The following COLEC10 variants were observed in gnomAD, a reference collection of about 807,000 sequenced individuals.
COLEC10 encodes collectin subfamily member 10.
Under a neutral mutation model 28.4 loss-of-function variants are expected in COLEC10, and 22 were observed. The observed-to-expected ratio is 0.78, with a 90% CI of 0.55 to 1.11. The LOEUF is 1.11. Among genes scored for constraint, COLEC10 ranks in the 50% least tolerant of loss-of-function variants. The pLI is 0.00. For synonymous variants in COLEC10, 125 were observed against 116.1 expected (o/e 1.08, Z -0.49); for missense variants, 361 against 344.1 (o/e 1.05, Z -0.39).
chr8:119,026,045 C>G (rs535618798), intron 2 of COLEC10, among the ~76,000 whole-genome samples: 55 of 152,148 alleles, frequency 3.6e-4, no homozygotes, highest in Non-Finnish European at 4.7e-4. Context: ...GTTTCTGTTT[C>G]TTGAAACTTT....
At chr8:119,026,119 AT>A (rs1814185673) in intron 2 of COLEC10, among the ~76,000 whole-genome samples, 1 of 152,130 alleles carries the variant, frequency 6.6e-6, no homozygotes, top group African/African-American at 2.4e-5. Flanking sequence ...TTTTAAGTAC[AT>A]TTTTATTGAA....
chr8:119,014,252 C>A (rs1813949807), intron 2 of COLEC10, among the ~76,000 whole-genome samples: 1 of 150,376 alleles, frequency 6.6e-6, no homozygotes, highest in Admixed American at 6.6e-5. Flanking sequence ...TGCAAGGTTG[C>A]TCTACCGGCA....
chr8:119,036,023 G>A (rs1012019149), intron 2 of COLEC10, among the ~76,000 whole-genome samples: 1 of 151,912 alleles, frequency 6.6e-6, no homozygotes, highest in Non-Finnish European at 1.5e-5. Flanking sequence ...AGCAAAATAG[G>A]GGTATAAGAT....
At chr8:119,035,274 A>T (rs1342774894) in intron 2 of COLEC10, among the ~76,000 whole-genome samples, 1 of 149,050 alleles carries the variant, frequency 6.7e-6, no homozygotes, top group East Asian at 2.0e-4. Flanking sequence ...TCTTTTATGT[A>T]CTTTCAGGAA....
At chr8:118,994,658 G>T (rs957139033), upstream of COLEC10, among the ~76,000 whole-genome samples, 3 of 152,124 alleles carry the variant, frequency 2.0e-5, no homozygotes, top group Non-Finnish European at 4.4e-5. Flanking sequence ...TGTCTCTGGA[G>T]TCCTTACTTG....
intron 2 of COLEC10, among the ~76,000 whole-genome samples, chr8:119,017,743 T>C (rs1456970246): frequency 6.6e-6 from 1 of 152,192 alleles, no homozygotes; most frequent in African/African-American, 2.4e-5. Context: ...CTCTTAATCT[T>C]GAAGTCACAA....
chr8:119,095,189 A>G (rs951538389), intron 3 of COLEC10, among the ~76,000 whole-genome samples: 2 of 152,232 alleles, frequency 1.3e-5, no homozygotes, highest in African/African-American at 4.8e-5. Context: ...CAATTTAAAA[A>G]GAGACCATTT....
chr8:119,091,091 C>T lies in COLEC10; in HGVS notation c.221-58C>T, dbSNP rs1021510388. On this transcript the variant is annotated intron_variant, in intron 2 of 5. Transcript: ENST00000332843. Reference sequence around the variant, plus strand: ...TTCTTTCAAGTGAATATCACATTAGCCACATTTCAAGGGAAGATAAAACCT... The same window carrying T: ...TTCTTTCAAGTGAATATCACATTAGTCACATTTCAAGGGAAGATAAAACCT... 1.1e-5 allele frequency: 15 copies of T among 1,348,038 alleles called. No individual in the cohort carries two copies. In the African/African-American group the frequency reaches 2.2e-4, roughly 19 times the overall value. The allele number at this position is 1,348,038 out of a possible 1,614,324, so 83.5% of individuals were successfully genotyped here.
At chr8:119,063,412 G>C (rs980224890), upstream of COLEC10, among the ~76,000 whole-genome samples, 1 of 152,186 alleles carries the variant, frequency 6.6e-6, no homozygotes. Flanking sequence ...AGGCTGTAGG[G>C]GAGAAGCACT....
Position 119,067,408 on chromosome 8 carries a change from A to G in COLEC10, c.127A>G (p.Thr43Ala), listed in dbSNP as rs1183679293. 1.9e-6 allele frequency: 3 copies of G among 1,613,816 alleles called. No individual in the cohort carries two copies. The highest frequency in any genetic ancestry group is 1.1e-5 in the South Asian group (1 of 91,044). ...RPTAEVCATH[T>A]ISPGPKGDDG... ...TACCGCTGAAGTCTGTGCCACACACACAATTTCACCAGGACCCAAAGGTGA... is the reference window on the plus strand; with the variant it reads ...TACCGCTGAAGTCTGTGCCACACACGCAATTTCACCAGGACCCAAAGGTGA... Residue 43 changes from threonine (T) to alanine (A), a missense_variant, in exon 1 of 6, where the codon ACA (threonine) becomes GCA (alanine). Around this residue, in one of 3 missense-constraint regions of COLEC10, gnomAD observed 335 missense variants for 308.5 expected, o/e 1.09. Coordinates refer to ENST00000332843, the MANE Select transcript of COLEC10 (RefSeq NM_006438.5).
rs1198706792 is a variant in COLEC10, at chr8:119,014,196, C to T, written n.235+4643C>T. ...CCTTTATGTAGAATTAAGTTTCTGACCTACTTCATTTACCTTTTCTTTAAA... is the reference window on the plus strand; with the variant it reads ...CCTTTATGTAGAATTAAGTTTCTGATCTACTTCATTTACCTTTTCTTTAAA... On this transcript the variant is annotated intron_variant and non_coding_transcript_variant, in intron 2 of 6. Coordinates refer to the COLEC10 transcript ENST00000521788. Among the ~76,000 whole-genome samples the T allele has an allele frequency of 7.3e-5, 11 of 150,582 alleles. No individual in the cohort carries two copies. In the South Asian group the frequency reaches 2.3e-3, roughly 31 times the overall value.
At chr8:118,989,379 C>T in the COLEC10 span, among the ~76,000 whole-genome samples, 3 of 151,918 alleles carry the variant, frequency 2.0e-5, no homozygotes, top group South Asian at 2.1e-4. Flanking sequence ...AGGTGTAATG[C>T]CTATAGTTGG....
the COLEC10 span, among the ~76,000 whole-genome samples, chr8:118,962,441 C>T: frequency 2.6e-5 from 4 of 152,166 alleles, no homozygotes; most frequent in African/African-American, 9.7e-5. Flanking sequence ...TTTTTTACAG[C>T]TTTATTGAGG....
At chr8:118,952,661 C>A in the COLEC10 span, among the ~76,000 whole-genome samples, 2 of 152,290 alleles carry the variant, frequency 1.3e-5, no homozygotes, top group African/African-American at 4.8e-5. Context: ...GCAGGGATAA[C>A]CTTGCGGAGC....
intron 1 of COLEC10, among the ~76,000 whole-genome samples, chr8:119,008,748 G>T (rs1813851997): frequency 6.6e-6 from 1 of 150,868 alleles, no homozygotes; most frequent in Non-Finnish European, 1.5e-5. Flanking sequence ...TACTAGGTTG[G>T]TTGGTGCAAA....
At chr8:119,004,469 T>C (rs1240660781) in intron 1 of COLEC10, among the ~76,000 whole-genome samples, 1 of 151,726 alleles carries the variant, frequency 6.6e-6, no homozygotes, top group Non-Finnish European at 1.5e-5. Context: ...ATAATGGCTA[T>C]ATGCTATTAA....
chr8:118,964,838 C>T, the COLEC10 span, among the ~76,000 whole-genome samples: 101,898 of 152,114 alleles, frequency 0.67, 36,170 homozygotes, highest in African/African-American at 0.92. Context: ...TCACATCGAC[C>T]AGATACTGTT....
chr8:119,085,599 C>CTTTT (rs66829005), intron 1 of COLEC10, among the ~76,000 whole-genome samples: 74 of 63,552 alleles, frequency 1.2e-3, no homozygotes, highest in East Asian at 3.0e-3. Flanking sequence ...TCTTCTTCTT[C>CTTTT]TTTTTTTTTT....
At chr8:119,050,544 GA>G (rs1008444218) in intron 2 of COLEC10, among the ~76,000 whole-genome samples, 10 of 152,086 alleles carry the variant, frequency 6.6e-5, no homozygotes, top group Non-Finnish European at 1.5e-4. Context: ...TCTTTCTTGG[GA>G]AAAAAGTTCT....
Sources: allele counts gnomAD v4.1 joint callset (sites outside exome capture counted in the v4.1 genomes callset), GRCh38; gene constraint gnomAD v4.1.1; regional missense constraint gnomAD v4.1.1; transcripts MANE v1.5; gene names NCBI Gene and HGNC (gene_info 2026-07-23, HGNC 2026-07-21).